Variants in MFSD12 observed in about 807,000 individuals in gnomAD.
MFSD12 encodes major facilitator superfamily domain-containing protein 12.
Under a neutral mutation model 51.2 loss-of-function variants are expected in MFSD12, and 67 were observed. The observed-to-expected ratio is 1.31, with a 90% CI of 1.08 to 1.60. The LOEUF is 1.60. MFSD12 is among the 40% of genes most tolerant of loss of function. The pLI is 0.00. For synonymous variants in MFSD12, 441 were observed against 316.7 expected, an observed-to-expected ratio of 1.39 and a Z score of -4.17; for missense variants, 921 against 673.0, an observed-to-expected ratio of 1.37 and a Z score of -4.08.
intron 6 of MFSD12, 146 bp downstream of exon 6, chr19:3,547,126 C>T (rs2031126431): frequency 2.8e-6 from 2 of 715,382 alleles, no homozygotes; most frequent in Admixed American, 2.2e-5. Flanking sequence ...GCGTGAGCCA[C>T]CGTGCCCGGC....
At chr19:3,547,806 G>T in intron 4 of MFSD12, 42 bp downstream of exon 4, 1 of 1,460,204 alleles carries the variant, frequency 6.8e-7, no homozygotes, top group Non-Finnish European at 9.0e-7. Flanking sequence ...CCTGTGGGTG[G>T]GAGAGAAGGC....
Position 3,551,078 on chromosome 19 carries a change from G to A in MFSD12, c.415C>T (p.Gln139Ter). 2 of 1,613,116 alleles carry A rather than the reference G, an allele frequency of 1.2e-6. No individual in the cohort carries two copies. Among genetic ancestry groups the A allele is most frequent in the Non-Finnish European group, 1.7e-6 (2 of 1,179,992 alleles). Residue 139 changes from glutamine (Q) to a stop codon, truncating the protein, a stop_gained, in exon 2 of 10, where the codon CAG becomes TAG. Coordinates refer to ENST00000355415, the MANE Select transcript of MFSD12 (RefSeq NM_174983.5). LOFTEE classifies it high-confidence loss of function. This position sits in a 1 kb window ranked among gnomAD's most constrained non-coding sequence, Gnocchi z 4.6. ...ATCTGTGTGGAGGCCCAGCCAAACT[G>A]GAAGATCACGATGAACGGGCCGTAG... ...LYYGPFIVIF[Q>*]FGWASTQISH... is the part of the protein sequence containing the mutation.
chr19:3,547,413 TG>T, intron 5 of MFSD12, 41 bp downstream of exon 5: 13 of 1,612,040 alleles, frequency 8.1e-6, no homozygotes, highest in Non-Finnish European at 1.1e-5. Flanking sequence ...CTCGCCAGGC[TG>T]GGGCCGTCCC....
At chr19:3,556,977 C>A in intron 1 of MFSD12, 129 bp downstream of exon 1, 2 of 924,292 alleles carry the variant, frequency 2.2e-6, no homozygotes, top group Non-Finnish European at 3.0e-6. Context: ...GGCCACGGGA[C>A]AGACAGACCG....
downstream of MFSD12, among the ~76,000 whole-genome samples, chr19:3,540,450 G>T (rs1156938894): frequency 3.3e-5 from 5 of 151,476 alleles, no homozygotes; most frequent in Non-Finnish European, 5.9e-5. Flanking sequence ...TAGAGACGGG[G>T]TTTCACCATG....
intron 6 of MFSD12, among the ~76,000 whole-genome samples, chr19:3,547,068 G>C (rs1282384044): frequency 6.6e-6 from 1 of 152,182 alleles, no homozygotes; most frequent in African/African-American, 2.4e-5. Context: ...TCGATCTCCT[G>C]ACCTCGTGAT....
At chr19:3,539,357 G>A (rs971327299), downstream of MFSD12, 4 of 728,728 alleles carry the variant, frequency 5.5e-6, no homozygotes, top group Non-Finnish European at 9.4e-6. Context: ...TCTTGCACGT[G>A]TCACTCGTTA....
intron 8 of MFSD12, among the ~76,000 whole-genome samples, chr19:3,545,461 T>C (rs887865340): frequency 6.6e-6 from 1 of 152,226 alleles, no homozygotes; most frequent in African/African-American, 2.4e-5. Context: ...ACATGCCAGG[T>C]GTGGTCCTGC....
At chr19:3,544,087 G>T (rs1218730628), downstream of MFSD12, 1 of 1,451,200 alleles carries the variant, frequency 6.9e-7, no homozygotes, top group Non-Finnish European at 9.2e-7. Flanking sequence ...GGGACCAGAG[G>T]CTCGGGACAG....
In MFSD12 at chr19:3,546,381, G is replaced by A. The variant is rs1168213571; in HGVS notation, c.1068C>T (p.Ala356=). 1.9e-6 allele frequency: 3 copies of A among 1,608,344 alleles called. No individual in the cohort carries two copies. The highest frequency in any genetic ancestry group is 2.2e-5 in the East Asian group (1 of 44,680). The part of the protein sequence containing the change: ...SGLLVILAFA[A]WVALAEGLGV... ...CCAGTCCCTCCGCCAGCGCCACCCAGGCGGCAAAGGCCAGGATCACCAGGA... is the reference window on the plus strand; with the variant it reads ...CCAGTCCCTCCGCCAGCGCCACCCAAGCGGCAAAGGCCAGGATCACCAGGA... The change falls in exon 7 of 10, where the codon GCC becomes GCT. Residue 356 remains alanine, a synonymous_variant. Transcript: ENST00000355415.
chr19:3,543,137 G>T, downstream of MFSD12: 1 of 1,512,434 alleles, frequency 6.6e-7, no homozygotes, highest in South Asian at 1.3e-5. Context: ...CACGCCGTGG[G>T]CCAGGCCTCT....
At chr19:3,538,437 C>A in exon 5 of MFSD12, 1 of 316,452 alleles carries the variant, frequency 3.2e-6, no homozygotes, top group Non-Finnish European at 6.3e-6. Flanking sequence ...GTCACCTAGT[C>A]ACCCCCAGGT....
intron 2 of MFSD12, among the ~76,000 whole-genome samples, chr19:3,548,503 G>A (rs1038948629): frequency 6.6e-6 from 1 of 152,192 alleles, no homozygotes; most frequent in South Asian, 2.1e-4. Context: ...CCAGGACCAG[G>A]GTACAGTGAC....
At chr19:3,539,294 C>A, downstream of MFSD12, 1 of 1,283,076 alleles carries the variant, frequency 7.8e-7, no homozygotes, top group Non-Finnish European at 1.1e-6. Flanking sequence ...CCCCTCCCAG[C>A]CCCTCCCTCC....
At position 3,557,190 on chromosome 19, in the gene MFSD12, A is replaced by C. The variant is rs2031772331; in HGVS notation, c.214T>G (p.Cys72Gly). 1 of 1,561,864 alleles carries C rather than the reference A, an allele frequency of 6.4e-7. No individual in the cohort carries two copies. The highest frequency in any genetic ancestry group is 8.6e-7 in the Non-Finnish European group (1 of 1,156,382). ...GCCTCGTAGCCCACGAGCGGTGTGC[A>C]CAGCCCGTCGGCCACCTGGCCCAGC... ...LLLGQVADGLCTPLVGYEADR... is the reference protein window; with the variant it reads ...LLLGQVADGLGTPLVGYEADR... The change falls in exon 1 of 10, where the codon TGC becomes GGC. Residue 72 changes from cysteine (C) to glycine (G), a missense_variant. Transcript: ENST00000355415.
At chr19:3,542,641 C>G (rs1443371303), downstream of MFSD12, 2 of 1,074,806 alleles carry the variant, frequency 1.9e-6, no homozygotes, top group East Asian at 1.2e-4. Context: ...CACACCATGC[C>G]TGGCTTAATT....
At chr19:3,549,880 A>C (rs1361417891) in intron 2 of MFSD12, among the ~76,000 whole-genome samples, 1 of 151,684 alleles carries the variant, frequency 6.6e-6, no homozygotes, top group Non-Finnish European at 1.5e-5. Flanking sequence ...AAAATACAAA[A>C]AAAAAATTAG....
rs778251783 is a variant in MFSD12 at position 3,544,862 on chromosome 19, GCCACGC to G, written c.1361_1366del (p.Gly454_Val455del). ...GAGGCTACAGAGACACAGGGCAGCG[GCCACGC>G]CCACGCCGCCCGTCACAGCCACCAT... On this transcript the variant is annotated inframe_deletion, in exon 9 of 10. Transcript: ENST00000355415. The G allele has an allele frequency of 2.1e-5, 34 of 1,611,618 alleles. No homozygotes were observed. The highest frequency in any genetic ancestry group is 2.7e-5 in the African/African-American group (2 of 74,886).
In MFSD12 at chr19:3,547,514, C is replaced by T. The variant is rs773142764; in HGVS notation, c.871G>A (p.Val291Met). The part of the protein sequence containing the change: ...GILYMTTRLI[V>M]NLSQTYMAMY... Reference sequence around the variant, plus strand: ...GCCATGTAGGTCTGGGACAGGTTCACGATGAGCCTGGTGGTCATGTACAGT... The same window carrying T: ...GCCATGTAGGTCTGGGACAGGTTCATGATGAGCCTGGTGGTCATGTACAGT... Residue 291 changes from valine (V) to methionine (M), a missense_variant, in exon 5 of 10, where the codon GTG becomes ATG. Physicochemically the swap from Val to Met is conservative, Grantham distance 21. Transcript: ENST00000355415. 1.1e-5 allele frequency: 18 copies of T among 1,612,688 alleles called. No homozygotes were observed. Among genetic ancestry groups the T allele is most frequent in the Admixed American group, 3.3e-5 (2 of 59,922 alleles).
Sources: gnomAD v4.1 joint callset for allele counts (sites outside exome capture counted in the v4.1 genomes callset) on GRCh38, gnomAD v4.1.1 for gene constraint, Gnocchi (gnomAD v3.1) non-coding constraint, MANE v1.5 for transcripts, NCBI Gene and HGNC (gene_info 2026-07-23, HGNC 2026-07-21) for gene names.